The following CYB5R3 variants were observed in gnomAD, a reference collection of about 807,000 sequenced individuals.
CYB5R3 encodes cytochrome b5 reductase 3, also known as NADH-cytochrome b5 reductase 3.
A neutral mutation model predicts 36.5 loss-of-function variants in CYB5R3; 28 were observed. The ratio of observed to expected loss-of-function variants is 0.77; its 90% CI spans 0.57 to 1.05. CYB5R3 has a LOEUF of 1.05. CYB5R3 is among the 50% of genes least tolerant of loss of function. The probability of loss-of-function intolerance (pLI) is 0.00; values close to 1 mark genes in which losing one functional copy is unlikely to be tolerated. For synonymous variants in CYB5R3, 181 were observed against 159.8 expected (o/e 1.13, Z -1.00); for missense variants, 474 against 408.9 (o/e 1.16, Z -1.37).
chr22:42,621,011 C>T (rs1198575160), intron 8 of CYB5R3, among the ~76,000 whole-genome samples: 6 of 152,204 alleles, frequency 3.9e-5, no homozygotes, highest in African/African-American at 1.2e-4. Flanking sequence ...CTTTGTAAGC[C>T]TCCTAAAATC....
intron 7 of CYB5R3, among the ~76,000 whole-genome samples, chr22:42,624,464 C>A (rs1601930424): frequency 6.6e-6 from 1 of 151,864 alleles, no homozygotes; most frequent in African/African-American, 2.4e-5. Flanking sequence ...GGCTGGCCTG[C>A]GGCTCCCCCA....
chr22:42,639,286 T>C (rs1485720377), intron 1 of CYB5R3, among the ~76,000 whole-genome samples: 2 of 146,388 alleles, frequency 1.4e-5, no homozygotes, highest in African/African-American at 5.0e-5. Flanking sequence ...ATCGTGCCAC[T>C]GCACTCCAGC....
chr22:42,628,071 C>T (rs1928387920), intron 5 of CYB5R3, 81 bp downstream of exon 5: 11 of 1,582,632 alleles, frequency 7.0e-6, no homozygotes, highest in Non-Finnish European at 9.5e-6. Flanking sequence ...GAGCCAGGGG[C>T]CTGCACCCTG....
At chr22:42,632,246 C>T (rs1928660105) in intron 2 of CYB5R3, 2 of 152,376 alleles carry the variant, frequency 1.3e-5, no homozygotes, top group South Asian at 4.1e-4. Context: ...CTGTGGGGTC[C>T]CCAGTACCCA....
intron 8 of CYB5R3, among the ~76,000 whole-genome samples, chr22:42,622,441 A>G (rs1030889499): frequency 6.6e-6 from 1 of 152,146 alleles, no homozygotes; most frequent in Non-Finnish European, 1.5e-5. Context: ...TCCTGAGCAT[A>G]CCAGGTGGAG....
intron 2 of CYB5R3, 27 bp from the exon 3 acceptor site, chr22:42,631,477 C>A (rs1020349755): frequency 1.9e-6 from 3 of 1,550,630 alleles, no homozygotes; most frequent in African/African-American, 1.4e-5. Context: ...AGCTGCTGAA[C>A]GGTCCCCAGG....
intron 2 of CYB5R3, chr22:42,632,675 A>G (rs1048498696): frequency 1.3e-5 from 2 of 152,278 alleles, no homozygotes; most frequent in African/African-American, 2.4e-5. Context: ...AGGACTATCA[A>G]CTGGTCCTAA....
At position 42,649,325 on chromosome 22, in the gene CYB5R3, GCGCCGCGCTCGCTCTGTCGCCGC is replaced by G; in HGVS notation, c.-33_-11del. The G allele has an allele frequency of 3.9e-6, 4 of 1,014,786 alleles. No individual in the cohort carries two copies. Among genetic ancestry groups the G allele is most frequent in the Non-Finnish European group, 3.6e-6 (3 of 842,102 alleles). The allele number at this position is 1,014,786 out of a possible 1,614,324, so 62.9% of individuals were successfully genotyped here. ...TGAGCTGGGCCCCCATGGTGGCCCCGCGCCGCGCTCGCTCTGTCGCCGCCGCCGCCGCCGCCGAGACCGTCGCG... is the reference window on the plus strand; with the variant it reads ...TGAGCTGGGCCCCCATGGTGGCCCCGCGCCGCCGCCGCCGAGACCGTCGCG... On this transcript the variant is annotated 5_prime_UTR_variant, in exon 1 of 9. Coordinates refer to ENST00000352397, the MANE Select transcript of CYB5R3 (RefSeq NM_000398.7).
chr22:42,625,031 G>A (rs1201693933), intron 7 of CYB5R3, among the ~76,000 whole-genome samples: 1 of 152,200 alleles, frequency 6.6e-6, no homozygotes, highest in Non-Finnish European at 1.5e-5. Context: ...GTGGGAGGCT[G>A]AGGGCCCTTT....
chr22:42,620,746 A>G (rs1261005248), intron 8 of CYB5R3, among the ~76,000 whole-genome samples: 1 of 152,172 alleles, frequency 6.6e-6, no homozygotes, highest in Non-Finnish European at 1.5e-5. Flanking sequence ...TGGAACCAGG[A>G]AGAGTCTACT....
intron 8 of CYB5R3, among the ~76,000 whole-genome samples, chr22:42,623,568 C>T (rs981602727): frequency 1.3e-5 from 2 of 152,206 alleles, no homozygotes; most frequent in African/African-American, 4.8e-5. Context: ...CCTCTGGAGG[C>T]GAGGACCTGG....
intron 1 of CYB5R3, chr22:42,640,322 A>G (rs371507675): frequency 6.9e-5 from 101 of 1,472,342 alleles, no homozygotes; most frequent in Non-Finnish European, 7.5e-5. Context: ...GCTGAAGGTC[A>G]CCCCCCGGAA....
intron 2 of CYB5R3, among the ~76,000 whole-genome samples, chr22:42,633,741 C>T (rs1928737098): frequency 6.6e-6 from 1 of 152,156 alleles, no homozygotes; most frequent in African/African-American, 2.4e-5. Context: ...CGAGATTGTG[C>T]CATTGCACTC....
intron 8 of CYB5R3, 72 bp downstream of exon 8, chr22:42,623,717 C>T: frequency 7.4e-7 from 1 of 1,355,186 alleles, no homozygotes; most frequent in Non-Finnish European, 1.1e-6. Context: ...CTCAACGCCA[C>T]AAACAGCTGG....
At chr22:42,632,349 T>A (rs996374302) in intron 2 of CYB5R3, 4 of 152,276 alleles carry the variant, frequency 2.6e-5, no homozygotes, top group African/African-American at 9.7e-5. Flanking sequence ...CACATGTGGA[T>A]GGTGTCATCA....
In CYB5R3 at chr22:42,624,517, CG is replaced by C. The variant is rs571602254; in HGVS notation, c.634-630del. On this transcript the variant is annotated intron_variant, in intron 7 of 8. Transcript: ENST00000352397. Reference sequence around the variant, plus strand: ...CAGAGCCCTACAGAACTCAGTCCAGCGTCATCCCTTCCAGGAAAGCTTCCTG... The same window carrying C: ...CAGAGCCCTACAGAACTCAGTCCAGCTCATCCCTTCCAGGAAAGCTTCCTG... 2.7e-5 allele frequency among the ~76,000 whole-genome samples: 4 copies of C among 149,766 alleles called. No individual in the cohort carries two copies. In the East Asian group the frequency reaches 8.0e-4, roughly 30 times the overall value.
At chr22:42,625,969 T>C (rs1257936083) in intron 7 of CYB5R3, among the ~76,000 whole-genome samples, 2 of 152,156 alleles carry the variant, frequency 1.3e-5, no homozygotes, top group African/African-American at 4.8e-5. Context: ...ATTCCAAGGT[T>C]TGCAAAAACG....
chr22:42,637,049 A>G (rs1928939831), intron 1 of CYB5R3, among the ~76,000 whole-genome samples: 1 of 152,226 alleles, frequency 6.6e-6, no homozygotes, highest in Non-Finnish European at 1.5e-5. Context: ...GACACCTGTC[A>G]CTGAGCATTA....
intron 2 of CYB5R3, chr22:42,632,012 A>G (rs1437709576): frequency 6.3e-6 from 1 of 159,046 alleles, no homozygotes; most frequent in Non-Finnish European, 1.4e-5. Context: ...GCCCAAAGCC[A>G]GGCTTCCACC....
Sources: gnomAD v4.1 joint callset for allele counts (sites outside exome capture counted in the v4.1 genomes callset) on GRCh38, gnomAD v4.1.1 for gene constraint, MANE v1.5 for transcripts, NCBI Gene and HGNC (gene_info 2026-07-23, HGNC 2026-07-21) for gene names.